NPAT: variants seen among roughly 807,000 people sequenced by gnomAD.
NPAT encodes the protein nuclear protein, coactivator of histone transcription.
In NPAT, 52 loss-of-function variants were observed where a neutral mutation model predicts 130.7. The ratio of observed to expected loss-of-function variants is 0.40; its 90% confidence interval spans 0.32 to 0.50. The LOEUF (loss-of-function observed/expected upper bound fraction) is 0.50. Among genes scored for constraint, NPAT ranks in the 20% least tolerant of loss-of-function variants. The pLI, the probability that NPAT is intolerant of heterozygous loss-of-function variation, is 0.68. For missense variants in NPAT, 1,687 were observed against 1,662.6 expected, an observed-to-expected ratio of 1.01 and a Z score of -0.26; for synonymous variants, 580 against 584.8, an observed-to-expected ratio of 0.99 and a Z score of 0.12.
chr11:108,165,884 C>T (rs947875983), intron 15 of NPAT, among the ~76,000 whole-genome samples: 21 of 151,524 alleles, frequency 1.4e-4, no homozygotes, highest in African/African-American at 4.4e-4. Flanking sequence ...CCGCCTGCCT[C>T]GGCCTCCCAA....
At chr11:108,195,829 G>T (rs553093296) in intron 2 of NPAT, among the ~76,000 whole-genome samples, 1 of 152,254 alleles carries the variant, frequency 6.6e-6, no homozygotes, top group South Asian at 2.1e-4. Context: ...GTCTCACTAT[G>T]TTGCCCAGGC....
At position 108,172,447 on chromosome 11, in the gene NPAT, T is replaced by C; in HGVS notation, c.2537A>G (p.Asp846Gly). The C allele has an allele frequency of 1.2e-6, 2 of 1,614,138 alleles. No homozygotes were observed. Among genetic ancestry groups the C allele is most frequent in the South Asian group, 2.2e-5 (2 of 91,086 alleles). The change falls in exon 13 of 18, where the codon GAT (aspartate) becomes GGT (glycine). Residue 846 changes from aspartate to glycine, a missense_variant. Around this residue, in one of 3 missense-constraint regions of NPAT, gnomAD observed 1,379 missense variants for 1,346.6 expected, o/e 1.02. Transcript: ENST00000278612. ...SANVTPCVSK[D>G]GGYIQLMPAT... ...TGGCATCAACTGTATATATCCTCCA[T>C]CCTTGGAAACACATGGTGTAACATT...
intron 1 of NPAT, among the ~76,000 whole-genome samples, chr11:108,218,206 C>A (rs567516580): frequency 1.3e-5 from 2 of 152,194 alleles, no homozygotes; most frequent in South Asian, 4.1e-4. Context: ...GAGTTTCCTT[C>A]TTAACATAAT....
At chr11:108,207,760 C>T (rs71488297) in intron 1 of NPAT, among the ~76,000 whole-genome samples, 2 of 152,152 alleles carry the variant, frequency 1.3e-5, no homozygotes, top group Admixed American at 6.5e-5. Context: ...GATGCCTGCT[C>T]CACAGCTGCA....
At chr11:108,207,250 G>A (rs560302797) in intron 1 of NPAT, among the ~76,000 whole-genome samples, 1 of 152,334 alleles carries the variant, frequency 6.6e-6, no homozygotes, top group South Asian at 2.1e-4. Context: ...ATGTGCTGAT[G>A]GGTCCATGGA....
intron 15 of NPAT, among the ~76,000 whole-genome samples, chr11:108,168,603 T>C (rs1267486248): frequency 6.6e-6 from 1 of 152,192 alleles, no homozygotes; most frequent in Non-Finnish European, 1.5e-5. Flanking sequence ...TTAAGTGCTG[T>C]AGCATAGGTA....
chr11:108,221,235 G>A (rs2078489391), intron 1 of NPAT, among the ~76,000 whole-genome samples: 1 of 152,118 alleles, frequency 6.6e-6, no homozygotes, highest in Admixed American at 6.5e-5. Flanking sequence ...GTGAATAGAA[G>A]CCAGGAATGC....
In NPAT at chr11:108,158,062, G is replaced by C. The variant is rs2077812330; in HGVS notation, c.*880C>G. 1.3e-5 allele frequency: 2 copies of C among 152,334 alleles called. No homozygotes were observed. The highest frequency in any genetic ancestry group is 4.2e-4 in the South Asian group (2 of 4,808). 9.4% of individuals were successfully genotyped at this position (152,334 alleles called of 1,614,324 possible). On this transcript the variant is annotated 3_prime_UTR_variant, in exon 18 of 18. Transcript: ENST00000278612. ...AATCCTCCACATAAACTCTCACATA[G>C]AACACAAGATTTAAATTATATGTGC...
intron 15 of NPAT, among the ~76,000 whole-genome samples, chr11:108,167,424 G>A (rs900593101): frequency 6.6e-6 from 1 of 152,080 alleles, no homozygotes; most frequent in Non-Finnish European, 1.5e-5. Context: ...TATTGCCCAG[G>A]CTGGTCTCAA....
chr11:108,170,047 A>T lies in NPAT; in HGVS notation c.2786-4T>A. 2 of 1,574,794 alleles carry T rather than the reference A, an allele frequency of 1.3e-6. No homozygotes were observed. Among genetic ancestry groups the T allele is most frequent in the South Asian group, 2.2e-5 (2 of 90,274 alleles). On this transcript the variant is annotated splice_polypyrimidine_tract_variant and splice_region_variant and intron_variant, in intron 13 of 17. Transcript: ENST00000278612. ...GAGGCAATTATTATGGCAGATCCTA[A>T]AAAAACAATTCTTGTTAAAAAAAGA...
chr11:108,180,122 T>G (rs548924025), intron 10 of NPAT, among the ~76,000 whole-genome samples: 2 of 151,904 alleles, frequency 1.3e-5, no homozygotes, highest in African/African-American at 4.8e-5. Flanking sequence ...AGCCCAGGAG[T>G]TCTAGATCAG....
chr11:108,184,471 CAA>C (rs368848598), intron 10 of NPAT, among the ~76,000 whole-genome samples: 1 of 140,560 alleles, frequency 7.1e-6, no homozygotes. Context: ...GACTCCATCT[CAA>C]AAAAAAAAAA....
Position 108,161,732 on chromosome 11 carries a change from C to T in NPAT, c.3354G>A (p.Glu1118=), listed in dbSNP as rs2077852722. Residue 1118 remains glutamate (E), a synonymous_variant, in exon 17 of 18, where the codon GAG becomes GAA. Transcript: ENST00000278612. Reference sequence around the variant, plus strand: ...TCTTAGGCAGAGGAGGCTTCTCTTTCTCTCTTTTGATAGCATTATTAGAAG... The same window carrying T: ...TCTTAGGCAGAGGAGGCTTCTCTTTTTCTCTTTTGATAGCATTATTAGAAG... ...KPPSNNAIKR[E]KEKPPLPKIL... is the part of the protein sequence containing the mutation. The T allele has an allele frequency of 1.2e-6, 2 of 1,613,770 alleles. No individual in the cohort carries two copies. Among genetic ancestry groups the T allele is most frequent in the South Asian group, 1.1e-5 (1 of 91,078 alleles).
intron 1 of NPAT, among the ~76,000 whole-genome samples, chr11:108,209,185 CAGG>C (rs1335094577): frequency 2.0e-5 from 3 of 152,166 alleles, no homozygotes; most frequent in African/African-American, 2.4e-5. Flanking sequence ...GAGGCTGAGG[CAGG>C]AGAACTGCGT....
chr11:108,181,704 T>C (rs1027507392), intron 10 of NPAT, among the ~76,000 whole-genome samples: 5 of 150,800 alleles, frequency 3.3e-5, no homozygotes, highest in Non-Finnish European at 7.4e-5. Context: ...TAATTTTGCA[T>C]CCAAGGAAAG....
At chr11:108,220,063 T>G (rs1226490960) in intron 1 of NPAT, among the ~76,000 whole-genome samples, 1 of 152,176 alleles carries the variant, frequency 6.6e-6, no homozygotes, top group Non-Finnish European at 1.5e-5. Context: ...AAACAGATGT[T>G]AGGAAGTTGA....
At chr11:108,220,244 T>C (rs1425735439) in intron 1 of NPAT, among the ~76,000 whole-genome samples, 2 of 152,172 alleles carry the variant, frequency 1.3e-5, no homozygotes, top group East Asian at 1.9e-4. Flanking sequence ...AGTAGTGAGA[T>C]GCAAAAGTCA....
At chr11:108,214,724 C>G (rs1479136993) in intron 1 of NPAT, among the ~76,000 whole-genome samples, 1 of 151,682 alleles carries the variant, frequency 6.6e-6, no homozygotes, top group Non-Finnish European at 1.5e-5. Context: ...CCTCTGCCTC[C>G]CAGGTTCAAG....
At position 108,170,211 on chromosome 11, in the gene NPAT, G is replaced by T. The variant is rs180756196; in HGVS notation, c.2786-168C>A. On this transcript the variant is annotated intron_variant, in intron 13 of 17. Coordinates refer to ENST00000278612, the MANE Select transcript of NPAT (RefSeq NM_002519.3). ...CAAAACAAAACAAAACAAAAAAAAC[G>T]AAACTGAAACAGTTTTAGGAAAAAC... The T allele has an allele frequency of 2.4e-4, 142 of 593,934 alleles. 1 individual carries two copies. In the East Asian group the frequency reaches 3.8e-3, roughly 16 times the overall value. 36.8% of individuals were successfully genotyped at this position (593,934 alleles called of 1,614,324 possible).
Sources: gnomAD v4.1 joint callset for allele counts (sites outside exome capture counted in the v4.1 genomes callset) on GRCh38, gnomAD v4.1.1 for gene constraint, gnomAD v4.1.1 regional missense constraint, MANE v1.5 for transcripts, NCBI Gene and HGNC (gene_info 2026-07-23, HGNC 2026-07-21) for gene names.